Variants in NALF1 observed in about 807,000 individuals in gnomAD.
The protein encoded by NALF1 is NALCN channel auxiliary factor 1, also known as family with sequence similarity 155 member A.
In NALF1, 3 loss-of-function variants were observed where a neutral mutation model predicts 48.4. That is an observed-to-expected ratio of 0.06 (90% CI 0.03 to 0.16). NALF1 has a LOEUF of 0.16. NALF1 is among the 10% of genes least tolerant of loss of function. NALF1 has a pLI of 1.00. For synonymous variants in NALF1, 262 were observed against 245.7 expected (o/e 1.07, Z -0.62); for missense variants, 526 against 571.5 (o/e 0.92, Z 0.81).
At chr13:107,529,224 C>A (rs1314202265) in intron 1 of NALF1, among the ~76,000 whole-genome samples, 1 of 152,104 alleles carries the variant, frequency 6.6e-6, no homozygotes, top group Non-Finnish European at 1.5e-5. Flanking sequence ...TGACTCTCAG[C>A]AAGTGAAGGA....
chr13:107,663,955 T>C (rs1880792704), intron 1 of NALF1, among the ~76,000 whole-genome samples: 1 of 152,144 alleles, frequency 6.6e-6, no homozygotes. Context: ...CTGCACCCAC[T>C]ACCATAGCTT....
intron 1 of NALF1, among the ~76,000 whole-genome samples, chr13:107,708,097 T>A (rs1594218464): frequency 6.6e-6 from 1 of 152,220 alleles, no homozygotes; most frequent in Non-Finnish European, 1.5e-5. Context: ...CTCCTATAAT[T>A]TTTTATATCA....
At chr13:107,587,131 G>T (rs1594144187) in intron 1 of NALF1, among the ~76,000 whole-genome samples, 2 of 152,030 alleles carry the variant, frequency 1.3e-5, no homozygotes, top group African/African-American at 4.8e-5. Context: ...ATAAATGAGG[G>T]TAATCAAAGT....
chr13:107,675,033 G>A (rs1244940501), intron 1 of NALF1, among the ~76,000 whole-genome samples: 5 of 152,166 alleles, frequency 3.3e-5, no homozygotes, highest in Non-Finnish European at 7.3e-5. Flanking sequence ...CTTGAGAGAG[G>A]CAGGTTAGAG....
intron 1 of NALF1, among the ~76,000 whole-genome samples, chr13:107,490,050 G>A (rs73594739): frequency 0.02 from 3,096 of 152,250 alleles, 102 homozygotes; most frequent in African/African-American, 0.07. Flanking sequence ...TCTTACACCA[G>A]TCAGAATGGC....
chr13:107,586,629 A>G (rs956791771), intron 1 of NALF1, among the ~76,000 whole-genome samples: 57 of 28,804 alleles, frequency 2.0e-3, no homozygotes, highest in African/African-American at 0.01. Flanking sequence ...AAGCTCCCCT[A>G]TGGAGATTTT....
intron 1 of NALF1, among the ~76,000 whole-genome samples, chr13:107,328,256 CT>C (rs1882402671): frequency 6.9e-6 from 1 of 144,808 alleles, no homozygotes; most frequent in Admixed American, 7.2e-5. Context: ...CTTCTTCCAA[CT>C]TTTCATCTCC....
chr13:107,520,281 C>G (rs1478807184), intron 1 of NALF1, among the ~76,000 whole-genome samples: 1 of 152,078 alleles, frequency 6.6e-6, no homozygotes, highest in Admixed American at 6.6e-5. Context: ...ATTTTCTGTT[C>G]TAAGAGTTTG....
chr13:107,840,981 T>A (rs1213291778), intron 1 of NALF1, among the ~76,000 whole-genome samples: 2 of 152,148 alleles, frequency 1.3e-5, no homozygotes, highest in Admixed American at 1.3e-4. Flanking sequence ...ATCCCTAGCA[T>A]CCTGGCTTGG....
chr13:107,713,569 G>A (rs2138521252), intron 1 of NALF1, among the ~76,000 whole-genome samples: 1 of 152,178 alleles, frequency 6.6e-6, no homozygotes, highest in South Asian at 2.1e-4. Flanking sequence ...CATCATCTGA[G>A]GTCACATTAA....
chr13:107,645,021 A>G (rs1054664949), intron 1 of NALF1, among the ~76,000 whole-genome samples: 1 of 152,146 alleles, frequency 6.6e-6, no homozygotes, highest in Non-Finnish European at 1.5e-5. Context: ...TAAATGTACT[A>G]CAATTTATTT....
intron 1 of NALF1, among the ~76,000 whole-genome samples, chr13:107,493,831 A>G (rs1176077290): frequency 6.6e-6 from 1 of 152,132 alleles, no homozygotes; most frequent in Non-Finnish European, 1.5e-5. Flanking sequence ...TCGAGGCTGT[A>G]ATGAACTATA....
chr13:107,621,429 C>T (rs1181934681), intron 1 of NALF1, among the ~76,000 whole-genome samples: 2 of 152,048 alleles, frequency 1.3e-5, no homozygotes, highest in African/African-American at 4.8e-5. Flanking sequence ...GTTTGATGAA[C>T]TCTTTAGCTA....
At chr13:107,226,626 G>A (rs375405086) in intron 1 of NALF1, among the ~76,000 whole-genome samples, 65 of 152,106 alleles carry the variant, frequency 4.3e-4, no homozygotes, top group African/African-American at 1.5e-3. Flanking sequence ...CACTATCAAC[G>A]CACAGCAATA....
Position 107,622,395 on chromosome 13 carries a change from C to T in NALF1, c.915+243287G>A, listed in dbSNP as rs182125096. ...GGCAGAGGTTGCAGTGAGCCGAGAT[C>T]GCACCGTTGCACCCCAGCCTGGGCA... On this transcript the variant is annotated intron_variant, in intron 1 of 2. Coordinates refer to ENST00000375915, the MANE Select transcript of NALF1 (RefSeq NM_001080396.3). Among the ~76,000 whole-genome samples the T allele has an allele frequency of 1.3e-3, 190 of 151,482 alleles. 1 individual carries two copies. Among genetic ancestry groups the T allele is most frequent in the East Asian group, 0.012 (59 of 5,098 alleles).
At chr13:107,583,975 T>A (rs1878382248) in intron 1 of NALF1, among the ~76,000 whole-genome samples, 2 of 152,100 alleles carry the variant, frequency 1.3e-5, no homozygotes, top group Admixed American at 1.3e-4. Flanking sequence ...TAAATACCCT[T>A]TATCTTTCAT....
chr13:107,563,092 C>A lies in NALF1; in HGVS notation c.915+302590G>T, dbSNP rs192417121. ...CACGTTAGATTAATAACAACAACAA[C>A]AAAAAACCATTTACTGAGCACAAAA... On this transcript the variant is annotated intron_variant, in intron 1 of 2. Transcript: ENST00000375915. Among the ~76,000 whole-genome samples the A allele has an allele frequency of 1.9e-3, 289 of 152,134 alleles. 2 individuals are homozygous for A. The highest frequency in any genetic ancestry group is 3.4e-3 in the Middle Eastern group (1 of 294).
chr13:107,579,072 T>G (rs1566401275), intron 1 of NALF1, among the ~76,000 whole-genome samples: 1 of 152,142 alleles, frequency 6.6e-6, no homozygotes, highest in Non-Finnish European at 1.5e-5. Context: ...ATGCTAACAT[T>G]CCATAATCAC....
chr13:107,306,743 C>T (rs1031404480), intron 1 of NALF1, among the ~76,000 whole-genome samples: 4 of 152,070 alleles, frequency 2.6e-5, no homozygotes, highest in East Asian at 1.9e-4. Context: ...GGAAGTGGAT[C>T]GCTTGAGCCC....
Sources: allele counts gnomAD v4.1 joint callset (sites outside exome capture counted in the v4.1 genomes callset), GRCh38; gene constraint gnomAD v4.1.1; transcripts MANE v1.5; gene names NCBI Gene and HGNC (gene_info 2026-07-23, HGNC 2026-07-21).